ULK4: variants seen among roughly 807,000 people sequenced by gnomAD.
ULK4 encodes the protein inactive serine/threonine-protein kinase ULK4.
ULK4 carries 133 observed loss-of-function variants against 160.6 expected under a neutral mutation model. The ratio of observed to expected loss-of-function variants is 0.83; its 90% CI spans 0.72 to 0.96. ULK4 has a LOEUF of 0.96. ULK4 is among the 40% of genes least tolerant of loss of function. The probability of loss-of-function intolerance (pLI) is 0.00; values close to 1 mark genes in which losing one functional copy is unlikely to be tolerated. For synonymous variants in ULK4, 534 were observed against 539.8 expected, an observed-to-expected ratio of 0.99 and a Z score of 0.15; for missense variants, 1,580 against 1,499.5, an observed-to-expected ratio of 1.05 and a Z score of -0.89.
intron 35 of ULK4, among the ~76,000 whole-genome samples, chr3:41,325,223 C>A (rs2080317991): frequency 6.6e-6 from 1 of 152,098 alleles, no homozygotes; most frequent in African/African-American, 2.4e-5. Flanking sequence ...ACAAAGATAA[C>A]CACCCCTTTT....
At chr3:41,637,338 C>A (rs963731345) in intron 30 of ULK4, among the ~76,000 whole-genome samples, 1 of 152,158 alleles carries the variant, frequency 6.6e-6, no homozygotes, top group African/African-American at 2.4e-5. Context: ...ATAACATCCT[C>A]CAGGTCCATC....
At chr3:41,341,734 C>T (rs2080689517) in intron 35 of ULK4, among the ~76,000 whole-genome samples, 1 of 152,126 alleles carries the variant, frequency 6.6e-6, no homozygotes, top group Admixed American at 6.5e-5. Context: ...CCTACAGGCT[C>T]CAAACCAGAA....
rs574336508 is a variant in ULK4 at position 41,903,523 on chromosome 3, G to A, written c.1183-2694C>T. ...TCACTTGAACCCGGGAGGCAGAGGC[G>A]CAATGAGCCAAGATCACACCGCTGC... is the stretch of plus-strand genomic sequence containing the variant. On this transcript the variant is annotated intron_variant, in intron 12 of 36. Coordinates refer to ENST00000301831, the MANE Select transcript of ULK4 (RefSeq NM_017886.4). Among the ~76,000 whole-genome samples, 136 of 151,192 alleles carry A rather than the reference G, an allele frequency of 9.0e-4. 2 individuals are homozygous for A. The highest frequency in any genetic ancestry group is 3.2e-3 in the African/African-American group (132 of 41,130).
chr3:41,454,580 T>C (rs951517203), intron 34 of ULK4, among the ~76,000 whole-genome samples: 2 of 149,410 alleles, frequency 1.3e-5, no homozygotes, highest in African/African-American at 4.9e-5. Context: ...GAAAAAAAGA[T>C]GATAGAATTA....
chr3:41,680,511 G>C (rs775487832), intron 29 of ULK4, among the ~76,000 whole-genome samples: 9 of 152,098 alleles, frequency 5.9e-5, no homozygotes, highest in Non-Finnish European at 7.4e-5. Context: ...GTGGTTGAGT[G>C]CTTCATCTAC....
In ULK4 at chr3:41,951,132, G is replaced by A. The variant is rs1469620703; in HGVS notation, c.138+3490C>T. On this transcript the variant is annotated intron_variant, in intron 2 of 36. Coordinates refer to ENST00000301831, the MANE Select transcript of ULK4 (RefSeq NM_017886.4). ...TGCACTCCAGCCTGGAGGACAGAGC[G>A]AGGCTTCGTCTCAAAAAAAAAAAAA... 2.6e-5 allele frequency among the ~76,000 whole-genome samples: 3 copies of A among 115,432 alleles called. No homozygotes were observed. The East Asian group carries it at 8.6e-4, about 33-fold the overall frequency. The allele number at this position is 115,432 out of a possible 152,430, so 75.7% of individuals were successfully genotyped here. A position where few individuals can be genotyped will look rare whatever the true frequency, so the allele number is the denominator to read the frequency against.
chr3:41,401,781 G>C (rs2082185307), intron 34 of ULK4, among the ~76,000 whole-genome samples: 1 of 152,122 alleles, frequency 6.6e-6, no homozygotes, highest in African/African-American at 2.4e-5. Context: ...GGATACATTT[G>C]GCATACAGAC....
intron 2 of ULK4, among the ~76,000 whole-genome samples, chr3:41,941,032 T>C (rs953673619): frequency 6.7e-6 from 1 of 148,406 alleles, no homozygotes; most frequent in African/African-American, 2.5e-5. Context: ...ATCCTGTTCT[T>C]AACCTTTTTT....
chr3:41,804,641 T>G (rs889076272), intron 19 of ULK4, among the ~76,000 whole-genome samples: 1 of 152,212 alleles, frequency 6.6e-6, no homozygotes, highest in South Asian at 2.1e-4. Context: ...CTTTAATCCA[T>G]CTTGAATTAA....
intron 27 of ULK4, among the ~76,000 whole-genome samples, chr3:41,697,116 T>C (rs1179682699): frequency 6.6e-6 from 1 of 152,230 alleles, no homozygotes; most frequent in African/African-American, 2.4e-5. Flanking sequence ...TGTGGTGATT[T>C]GTTACAGCAG....
intron 12 of ULK4, among the ~76,000 whole-genome samples, chr3:41,901,849 T>C (rs773205826): frequency 2.0e-5 from 3 of 152,294 alleles, no homozygotes; most frequent in Non-Finnish European, 1.5e-5. Flanking sequence ...CAATGTGAAA[T>C]TGAAGCTGTA....
intron 32 of ULK4, among the ~76,000 whole-genome samples, chr3:41,474,183 T>G (rs148283451): frequency 6.6e-5 from 10 of 152,070 alleles, no homozygotes; most frequent in East Asian, 1.9e-4. Flanking sequence ...TAGAAAAGAA[T>G]AGAGAGCCCA....
At chr3:41,673,875 T>C (rs542732208) in intron 29 of ULK4, among the ~76,000 whole-genome samples, 91 of 152,242 alleles carry the variant, frequency 6.0e-4, no homozygotes, top group African/African-American at 2.0e-3. Flanking sequence ...CACAATTAGC[T>C]GAAGTCATCC....
intron 17 of ULK4, among the ~76,000 whole-genome samples, chr3:41,862,425 G>A (rs2042520639): frequency 6.6e-6 from 1 of 151,782 alleles, no homozygotes; most frequent in South Asian, 2.1e-4. Flanking sequence ...TCATTGGTGA[G>A]GTCATGTTTT....
chr3:41,821,747 T>C, intron 18 of ULK4, among the ~76,000 whole-genome samples: 1 of 152,138 alleles, frequency 6.6e-6, no homozygotes, highest in Non-Finnish European at 1.5e-5. Context: ...CTATCCTCAC[T>C]TTACACTGAC....
At chr3:41,615,871 A>C (rs1417811010) in intron 30 of ULK4, among the ~76,000 whole-genome samples, 154 bp from the exon 31 acceptor site, 1 of 152,240 alleles carries the variant, frequency 6.6e-6, no homozygotes. Context: ...ACACTGAACT[A>C]TAGCTATTAA....
chr3:41,290,877 A>T, intron 35 of ULK4, among the ~76,000 whole-genome samples: 1 of 152,180 alleles, frequency 6.6e-6, no homozygotes, highest in East Asian at 1.9e-4. Flanking sequence ...GTTCCATTAC[A>T]TTCTGCTGGT....
At chr3:41,693,198 G>A (rs920698747) in intron 27 of ULK4, among the ~76,000 whole-genome samples, 10 of 152,148 alleles carry the variant, frequency 6.6e-5, no homozygotes, top group African/African-American at 1.4e-4. Context: ...AGACTGTGTC[G>A]AAACTAGCAT....
At chr3:41,652,105 C>T (rs2034767237) in intron 30 of ULK4, among the ~76,000 whole-genome samples, 1 of 152,100 alleles carries the variant, frequency 6.6e-6, no homozygotes, top group Non-Finnish European at 1.5e-5. Flanking sequence ...CCAACTGAGC[C>T]TCATAAGATA....
Sources: allele counts gnomAD v4.1 joint callset (sites outside exome capture counted in the v4.1 genomes callset), GRCh38; gene constraint gnomAD v4.1.1; transcripts MANE v1.5; gene names NCBI Gene and HGNC (gene_info 2026-07-23, HGNC 2026-07-21).